The following USH2A variants were observed in gnomAD, a reference collection of about 807,000 sequenced individuals.
USH2A encodes the protein Usher syndrome 2A (autosomal recessive, mild).
A neutral mutation model predicts 538.9 loss-of-function variants in USH2A; 443 were observed. The ratio of observed to expected loss-of-function variants is 0.82; its 90% confidence interval spans 0.76 to 0.89. The LOEUF (loss-of-function observed/expected upper bound fraction) is 0.89. USH2A is among the 40% of genes least tolerant of loss of function. USH2A has a pLI of 0.00. For synonymous variants in USH2A, 2,413 were observed against 2,273.5 expected, an observed-to-expected ratio of 1.06 and a Z score of -1.75; for missense variants, 6,633 against 6,324.8, an observed-to-expected ratio of 1.05 and a Z score of -1.65.
Position 215,674,938 on chromosome 1 carries a change from G to C in USH2A, c.12973C>G (p.Pro4325Ala), listed in dbSNP as rs1657955894. The change falls in exon 63 of 72, where the codon CCT becomes GCT. Residue 4325 changes from proline (P) to alanine (A), a missense_variant. Coordinates refer to ENST00000307340, the MANE Select transcript of USH2A (RefSeq NM_206933.4). The part of the protein sequence containing the change: ...TFNYTDEELL[P>A]FSTYSYALQA... ...AGTGCATAGCTATAGGTGGAAAAAG[G>C]AAGAAGCTCTTCATCAGTGTAATTG... is the stretch of plus-strand genomic sequence containing the variant. 1 of 1,614,192 alleles carries C rather than the reference G, an allele frequency of 6.2e-7. No homozygotes were observed. The highest frequency in any genetic ancestry group is 8.5e-7 in the Non-Finnish European group (1 of 1,180,030).
At chr1:216,218,523 G>A (rs1195451641) in intron 14 of USH2A, among the ~76,000 whole-genome samples, 3 of 152,084 alleles carry the variant, frequency 2.0e-5, no homozygotes, top group Non-Finnish European at 2.9e-5. Context: ...AACGGATGGA[G>A]TTACTTTTCC....
At chr1:215,939,827 T>G (rs1443267871) in intron 37 of USH2A, among the ~76,000 whole-genome samples, 1 of 152,150 alleles carries the variant, frequency 6.6e-6, no homozygotes, top group African/African-American at 2.4e-5. Context: ...TTTGACTGGC[T>G]GGCCATTTCA....
chr1:215,990,839 G>T (rs1377432340), intron 35 of USH2A, among the ~76,000 whole-genome samples: 1 of 134,330 alleles, frequency 7.4e-6, no homozygotes, highest in Non-Finnish European at 1.5e-5. Flanking sequence ...TCGGCTCACC[G>T]CAAGCTCCGC....
At position 215,813,750 on chromosome 1, in the gene USH2A, G is replaced by A; in HGVS notation, c.9725C>T (p.Ala3242Val). The change falls in exon 49 of 72, where the codon GCT becomes GTT. Residue 3242 changes from alanine (A) to valine (V), a missense_variant. Physicochemically the swap from Ala to Val is moderately conservative, Grantham distance 64 (BLOSUM62 0). Transcript: ENST00000307340. Reference sequence around the variant, plus strand: ...ATAACCCTCACCTGGTAGAATTCTAGCGTAATACCCAGAGCAGCACTGATG... The same window carrying A: ...ATAACCCTCACCTGGTAGAATTCTAACGTAATACCCAGAGCAGCACTGATG... ...PNHQCCSGYYARILPGEVCCP... is the reference protein window; with the variant it reads ...PNHQCCSGYYVRILPGEVCCP... 1 of 1,613,816 alleles carries A rather than the reference G, an allele frequency of 6.2e-7. No individual in the cohort carries two copies. The highest frequency in any genetic ancestry group is 8.5e-7 in the Non-Finnish European group (1 of 1,179,824).
At chr1:215,727,134 C>T (rs1659844065) in intron 61 of USH2A, among the ~76,000 whole-genome samples, 1 of 151,878 alleles carries the variant, frequency 6.6e-6, no homozygotes, top group Non-Finnish European at 1.5e-5. Context: ...CACCAGTAAG[C>T]CATAGTGTAT....
intron 9 of USH2A, among the ~76,000 whole-genome samples, chr1:216,296,197 A>G (rs1446953208): frequency 6.6e-6 from 1 of 152,086 alleles, no homozygotes; most frequent in African/African-American, 2.4e-5. Flanking sequence ...TATATCAGGT[A>G]GTGCTACTTT....
intron 32 of USH2A, 98 bp from the exon 33 acceptor site, chr1:216,000,660 G>A (rs1668248347): frequency 6.9e-7 from 1 of 1,446,274 alleles, no homozygotes; most frequent in Non-Finnish European, 9.7e-7. Context: ...GAATTGTTAA[G>A]ATAAGGCTTA....
chr1:215,782,325 T>C (rs1661666739), intron 53 of USH2A, 129 bp from the exon 54 acceptor site: 3 of 1,013,674 alleles, frequency 3.0e-6, no homozygotes, highest in South Asian at 1.4e-5. Context: ...TTTCCTATTA[T>C]ATTGCTGTCT....
chr1:215,954,940 C>A (rs1667026538), intron 37 of USH2A, among the ~76,000 whole-genome samples: 1 of 152,096 alleles, frequency 6.6e-6, no homozygotes, highest in Non-Finnish European at 1.5e-5. Context: ...ACATCCTTTA[C>A]AAATGCCATT....
chr1:216,250,450 A>C (rs535913567), intron 12 of USH2A, among the ~76,000 whole-genome samples: 1 of 152,180 alleles, frequency 6.6e-6, no homozygotes, highest in Non-Finnish European at 1.5e-5. Context: ...TAACAGAAAA[A>C]AATGGAAAGA....
At chr1:215,705,612 C>T (rs1011000645) in intron 61 of USH2A, among the ~76,000 whole-genome samples, 1 of 152,072 alleles carries the variant, frequency 6.6e-6, no homozygotes, top group African/African-American at 2.4e-5. Flanking sequence ...GAAAAGGGTC[C>T]CCTATGGTAA....
chr1:215,647,787 C>A, intron 66 of USH2A, 57 bp from the exon 67 acceptor site: 1 of 1,585,542 alleles, frequency 6.3e-7, no homozygotes, highest in South Asian at 1.1e-5. Flanking sequence ...GTTTAACTCT[C>A]TCTTTTAAAA....
chr1:216,166,600 C>A (rs868128015), intron 21 of USH2A, among the ~76,000 whole-genome samples: 1 of 151,924 alleles, frequency 6.6e-6, no homozygotes, highest in African/African-American at 2.4e-5. Context: ...GAGATGTATC[C>A]GAGGAAGAAC....
intron 3 of USH2A, among the ~76,000 whole-genome samples, chr1:216,395,016 C>A (rs1179566653): frequency 6.6e-6 from 1 of 152,160 alleles, no homozygotes; most frequent in Non-Finnish European, 1.5e-5. Context: ...CCGCGCCCAG[C>A]CGGTCCAGTC....
chr1:215,808,661 T>C (rs1662571787), intron 49 of USH2A, among the ~76,000 whole-genome samples: 1 of 152,146 alleles, frequency 6.6e-6, no homozygotes, highest in African/African-American at 2.4e-5. Context: ...TAGTATGTCA[T>C]GTAAATGCAG....
chr1:216,394,904 G>C (rs2039181819), intron 3 of USH2A, among the ~76,000 whole-genome samples: 1 of 151,734 alleles, frequency 6.6e-6, no homozygotes, highest in Non-Finnish European at 1.5e-5. Context: ...ATTTTTAGTA[G>C]AGACGGGTTT....
Position 215,786,888 on chromosome 1 carries a change from C to T in USH2A, c.10183-14G>A, listed in dbSNP as rs754247559. 5.0e-6 allele frequency: 8 copies of T among 1,613,112 alleles called. No individual in the cohort carries two copies. Among genetic ancestry groups the T allele is most frequent in the Non-Finnish European group, 6.8e-6 (8 of 1,179,648 alleles). The stretch of plus-strand genomic sequence containing the variant: ...CTCTTTGGTTTCCTGAGTCAAGTGG[C>T]AGGGGTGAGAGAGAGAGGGGTATTT... On this transcript the variant is annotated splice_polypyrimidine_tract_variant and intron_variant, in intron 51 of 71. Coordinates refer to ENST00000307340, the MANE Select transcript of USH2A (RefSeq NM_206933.4).
Position 215,670,967 on chromosome 1 carries a change from C to A in USH2A, c.14133+5G>T, listed in dbSNP as rs2102661138. ...CTCGAATTGTTTATAATACACATTT[C>A]TTACCTGATACTCATACTCTGTGAA... On this transcript the variant is annotated splice_donor_5th_base_variant and intron_variant, in intron 64 of 71. Transcript: ENST00000307340. The A allele has an allele frequency of 6.2e-7, 1 of 1,613,938 alleles. No individual in the cohort carries two copies. The highest frequency in any genetic ancestry group is 8.5e-7 in the Non-Finnish European group (1 of 1,179,848).
At position 215,949,857 on chromosome 1, in the gene USH2A, C is replaced by T. The variant is rs924113695; in HGVS notation, c.7121-15062G>A. Among the ~76,000 whole-genome samples the T allele has an allele frequency of 3.3e-5, 5 of 151,876 alleles. No homozygotes were observed. The South Asian group carries it at 6.2e-4, about 19-fold the overall frequency. On this transcript the variant is annotated intron_variant, in intron 37 of 71. Transcript: ENST00000307340. ...TATATTATTTTAGCTTCCATAAATA[C>T]CAAAACAAATTTTAAAACCTCTAAA...
Sources: allele counts gnomAD v4.1 joint callset (sites outside exome capture counted in the v4.1 genomes callset), GRCh38; gene constraint gnomAD v4.1.1; transcripts MANE v1.5; gene names NCBI Gene and HGNC (gene_info 2026-07-23, HGNC 2026-07-21).